SPON1: variants seen among roughly 807,000 people sequenced by gnomAD.
The protein encoded by SPON1 is spondin 1, also known as spondin-1.
SPON1 carries 52 observed loss-of-function variants against 111.7 expected under a neutral mutation model. That is an observed-to-expected ratio of 0.47 (90% CI 0.37 to 0.59). The LOEUF is 0.59. Ranked by LOEUF, SPON1 falls within the 20% of genes least tolerant of loss-of-function variation. SPON1 has a pLI of 0.00. For missense variants in SPON1, 957 were observed against 1,068.5 expected (o/e 0.90, Z 1.46); for synonymous variants, 410 against 395.8 (o/e 1.04, Z -0.43).
intron 3 of SPON1, among the ~76,000 whole-genome samples, chr11:14,073,381 C>T (rs1848892393): frequency 6.6e-6 from 1 of 152,132 alleles, no homozygotes; most frequent in Admixed American, 6.5e-5. Flanking sequence ...CATGTCAGCA[C>T]CCAAAAAGTT....
chr11:13,969,363 C>T lies in SPON1; in HGVS notation c.238+6221C>T, dbSNP rs554721716. Reference sequence around the variant, plus strand: ...ATTGTGCCAGTGCACCCAGCCTGGGCGACAAAGTGAGACCCTGTCTCAAAA... The same window carrying T: ...ATTGTGCCAGTGCACCCAGCCTGGGTGACAAAGTGAGACCCTGTCTCAAAA... On this transcript the variant is annotated intron_variant, in intron 1 of 15. Transcript: ENST00000576479. Among the ~76,000 whole-genome samples, 11 of 152,062 alleles carry T rather than the reference C, an allele frequency of 7.2e-5. No homozygotes were observed. The South Asian group carries it at 1.5e-3, about 20-fold the overall frequency.
chr11:14,147,811 A>G (rs1464777485), intron 6 of SPON1, among the ~76,000 whole-genome samples: 2 of 150,746 alleles, frequency 1.3e-5, no homozygotes, highest in East Asian at 3.9e-4. Context: ...TTGATATATA[A>G]AGAGCTTCTT....
intron 5 of SPON1, among the ~76,000 whole-genome samples, chr11:14,101,602 G>A (rs1322981740): frequency 6.6e-6 from 1 of 151,668 alleles, no homozygotes; most frequent in Non-Finnish European, 1.5e-5. Flanking sequence ...CATATCATCT[G>A]GGTTTTATTT....
intron 9 of SPON1, 28 bp downstream of exon 9, chr11:14,255,815 C>T (rs782531345): frequency 4.4e-6 from 7 of 1,608,024 alleles, no homozygotes; most frequent in Admixed American, 1.7e-5. Context: ...ACTCTGGCAT[C>T]GACCTTTCCC....
chr11:14,160,679 TTATA>T lies in SPON1; in HGVS notation c.825+25119_825+25122del, dbSNP rs1214332844. On this transcript the variant is annotated intron_variant, in intron 6 of 15. Coordinates refer to ENST00000576479, the MANE Select transcript of SPON1 (RefSeq NM_006108.4). The stretch of plus-strand genomic sequence containing the variant: ...TATTTATATATATATTTACATATAT[TTATA>T]TATATATTTATATATTTATATATAT... Among the ~76,000 whole-genome samples, 47 of 11,004 alleles carry T rather than the reference TTATA, an allele frequency of 4.3e-3. 5 individuals carry two copies. The highest frequency in any genetic ancestry group is 0.013 in the African/African-American group (43 of 3,290). 7.2% of individuals were successfully genotyped at this position (11,004 alleles called of 152,430 possible). A position where few individuals can be genotyped will look rare whatever the true frequency, so the allele number is the denominator to read the frequency against.
intron 6 of SPON1, among the ~76,000 whole-genome samples, chr11:14,198,637 A>G (rs956595990): frequency 6.6e-6 from 1 of 152,210 alleles, no homozygotes. Context: ...GCCTCACTAC[A>G]TGACAATCCC....
At chr11:13,970,377 T>C (rs1848053129) in intron 1 of SPON1, among the ~76,000 whole-genome samples, 1 of 152,226 alleles carries the variant, frequency 6.6e-6, no homozygotes, top group East Asian at 1.9e-4. Context: ...ACTGATTTTC[T>C]TGAGGCTAGG....
intron 2 of SPON1, among the ~76,000 whole-genome samples, chr11:13,983,839 T>C (rs1239334272): frequency 1.3e-5 from 2 of 152,228 alleles, no homozygotes; most frequent in Non-Finnish European, 2.9e-5. Context: ...AGAATACTTA[T>C]ACCCATAGCT....
intron 6 of SPON1, among the ~76,000 whole-genome samples, chr11:14,181,426 C>T (rs1554933685): frequency 6.6e-6 from 1 of 152,218 alleles, no homozygotes; most frequent in Non-Finnish European, 1.5e-5. Flanking sequence ...TTTTCTCCAA[C>T]TACCTTTCCA....
chr11:14,180,079 C>T (rs1848220924), intron 6 of SPON1, among the ~76,000 whole-genome samples: 1 of 152,152 alleles, frequency 6.6e-6, no homozygotes, highest in African/African-American at 2.4e-5. Flanking sequence ...GAGGCTTGCA[C>T]AGTGATCTTC....
At chr11:13,987,841 T>A (rs1848197338) in intron 2 of SPON1, among the ~76,000 whole-genome samples, 1 of 152,246 alleles carries the variant, frequency 6.6e-6, no homozygotes, top group Admixed American at 6.5e-5. Context: ...GTGTCAGGTT[T>A]GTCAAAGATC....
At chr11:14,073,555 G>A (rs1848893932) in intron 3 of SPON1, among the ~76,000 whole-genome samples, 1 of 152,044 alleles carries the variant, frequency 6.6e-6, no homozygotes, top group Non-Finnish European at 1.5e-5. Flanking sequence ...CCTTCCACTT[G>A]CCTAATTAGC....
chr11:14,203,449 T>C (rs12274946), intron 6 of SPON1, among the ~76,000 whole-genome samples: 2,537 of 152,290 alleles, frequency 0.017, 75 homozygotes, highest in African/African-American at 0.058. Context: ...CTTCATATTT[T>C]AGCCTCTGAA....
intron 3 of SPON1, among the ~76,000 whole-genome samples, chr11:14,042,523 G>C (rs1848639691): frequency 6.6e-6 from 1 of 152,172 alleles, no homozygotes; most frequent in African/African-American, 2.4e-5. Context: ...GAATGATGCT[G>C]AGAATGTTAG....
intron 6 of SPON1, among the ~76,000 whole-genome samples, chr11:14,160,851 T>TTA (rs1399669294): frequency 2.5e-5 from 1 of 40,438 alleles, no homozygotes; most frequent in Non-Finnish European, 4.3e-5. Context: ...ATTTATATAT[T>TTA]TATATATATT....
At chr11:14,244,947 C>G (rs1341165922) in intron 7 of SPON1, among the ~76,000 whole-genome samples, 1 of 152,196 alleles carries the variant, frequency 6.6e-6, no homozygotes, top group Non-Finnish European at 1.5e-5. Flanking sequence ...GTTCCTTGAA[C>G]AAGCTTTGAT....
chr11:14,032,550 A>G (rs918345019), intron 2 of SPON1, among the ~76,000 whole-genome samples: 35 of 152,278 alleles, frequency 2.3e-4, no homozygotes, highest in African/African-American at 7.9e-4. Context: ...CTGCTTCGTC[A>G]ATACTATCTC....
intron 11 of SPON1, 52 bp downstream of exon 11, chr11:14,257,950 G>A: frequency 6.8e-7 from 1 of 1,462,834 alleles, no homozygotes; most frequent in South Asian, 1.4e-5. Flanking sequence ...CAGGAAGGGA[G>A]GGTCTGCCTA....
intron 3 of SPON1, among the ~76,000 whole-genome samples, chr11:14,058,010 C>T (rs1022827472): frequency 6.6e-6 from 1 of 151,982 alleles, no homozygotes; most frequent in African/African-American, 2.4e-5. Context: ...GAGTGAGACC[C>T]TGTCTCAAAA....
Sources: gnomAD v4.1 joint callset for allele counts (sites outside exome capture counted in the v4.1 genomes callset) on GRCh38, gnomAD v4.1.1 for gene constraint, MANE v1.5 for transcripts, NCBI Gene and HGNC (gene_info 2026-07-23, HGNC 2026-07-21) for gene names.